Variants in CYP4F12 observed in about 807,000 individuals in gnomAD.
The protein encoded by CYP4F12 is cytochrome P450 4F12.
CYP4F12 carries 60 observed loss-of-function variants against 56.5 expected under a neutral mutation model. The observed-to-expected ratio is 1.06, with a 90% CI of 0.86 to 1.32. The LOEUF (loss-of-function observed/expected upper bound fraction) is 1.32, where lower values mean the gene tolerates loss of function less well. Among genes scored for constraint, CYP4F12 ranks in the 40% most tolerant of loss-of-function variants. The pLI, the probability that CYP4F12 is intolerant of heterozygous loss-of-function variation, is 0.00. For missense variants in CYP4F12, 711 were observed against 683.5 expected (o/e 1.04, Z -0.45); for synonymous variants, 263 against 264.9 (o/e 0.99, Z 0.07).
Position 15,684,590 on chromosome 19 carries a change from G to C in CYP4F12, c.919-226G>C, listed in dbSNP as rs534491716. The C allele has an allele frequency of 6.5e-6, 3 of 458,218 alleles. No homozygotes were observed. In the South Asian group the frequency reaches 1.5e-4, roughly 23 times the overall value. 28.4% of individuals were successfully genotyped at this position (458,218 alleles called of 1,614,324 possible). ...CGAGAACCATTGATTCCTGTCACCA[G>C]GGTCCAAAGAGGAGGCAAAGGATCT... is the stretch of plus-strand genomic sequence containing the variant. On this transcript the variant is annotated intron_variant, in intron 7 of 12. Transcript: ENST00000550308.
Position 15,696,176 on chromosome 19 carries a change from T to C in CYP4F12, c.1265T>C (p.Ile422Thr), listed in dbSNP as rs1046255405. Residue 422 changes from isoleucine (I) to threonine (T), a missense_variant, in exon 11 of 13, where the codon ATC becomes ACC. By Grantham distance (89) the Ile-to-Thr change is moderately conservative. Coordinates refer to ENST00000550308, the MANE Select transcript of CYP4F12 (RefSeq NM_023944.4). ...RVIPKGITCLIDIIGVHHNPT... is the reference protein window; with the variant it reads ...RVIPKGITCLTDIIGVHHNPT... The stretch of plus-strand genomic sequence containing the variant: ...TCTCCCACAGGCATTACCTGCCTCA[T>C]CGATATTATAGGGGTCCATCACAAC... 1 of 1,614,046 alleles carries C rather than the reference T, an allele frequency of 6.2e-7. No individual in the cohort carries two copies. Among genetic ancestry groups the C allele is most frequent in the South Asian group, 1.1e-5 (1 of 91,076 alleles).
Position 15,683,657 on chromosome 19 carries a change from T to C in CYP4F12, c.812T>C (p.Ile271Thr). The C allele has an allele frequency of 6.2e-7, 1 of 1,613,976 alleles. No homozygotes were observed. The highest frequency in any genetic ancestry group is 1.3e-5 in the African/African-American group (1 of 75,048). The change falls in exon 7 of 13, where the codon ATC becomes ACC. Residue 271 changes from isoleucine (I) to threonine (T), a missense_variant. Ile to Thr is a moderately conservative substitution (Grantham distance 89). Transcript: ENST00000550308. ...GTGCATGACTTCACAGACGCTGTCA[T>C]CCGGGAGCGGCGTCGCACCCTCCCC... Reference protein sequence around the residue: ...RLVHDFTDAVIRERRRTLPTQ... With the variant: ...RLVHDFTDAVTRERRRTLPTQ...
Position 15,673,655 on chromosome 19 carries a change from TAAC to T in CYP4F12, c.130_132del (p.Asn44del), listed in dbSNP as rs748608939. ...TCCTGGCTTGGACCTATGCCTTCTATAACAACTGCCGCCGGCTCCAGTGTTTCC... is the reference window on the plus strand; with the variant it reads ...TCCTGGCTTGGACCTATGCCTTCTATAACTGCCGCCGGCTCCAGTGTTTCC... On this transcript the variant is annotated inframe_deletion, in exon 2 of 13. Coordinates refer to ENST00000550308, the MANE Select transcript of CYP4F12 (RefSeq NM_023944.4). 3.7e-6 allele frequency: 6 copies of T among 1,614,160 alleles called. No individual in the cohort carries two copies. The highest frequency in any genetic ancestry group is 5.1e-6 in the Non-Finnish European group (6 of 1,180,028).
intron 9 of CYP4F12, among the ~76,000 whole-genome samples, chr19:15,694,314 C>A (rs951285225): frequency 2.3e-4 from 35 of 152,142 alleles, no homozygotes; most frequent in African/African-American, 8.2e-4. Flanking sequence ...ATTCTTCCTA[C>A]CCATGAGCAT....
chr19:15,686,303 A>G (rs1264438830), intron 9 of CYP4F12, among the ~76,000 whole-genome samples: 1 of 152,210 alleles, frequency 6.6e-6, no homozygotes, highest in African/African-American at 2.4e-5. Flanking sequence ...TAAAAAACCA[A>G]AATAATAAAG....
intron 5 of CYP4F12, 107 bp downstream of exon 5, chr19:15,680,626 C>G (rs780737722): frequency 7.0e-7 from 1 of 1,424,290 alleles, no homozygotes; most frequent in Non-Finnish European, 9.9e-7. Flanking sequence ...GGCCATTGCT[C>G]TTCCTCTCTG....
Position 15,683,957 on chromosome 19 carries a change from G to A in CYP4F12, c.918+194G>A, listed in dbSNP as rs1012345451. 1.3e-5 allele frequency: 7 copies of A among 550,074 alleles called. No individual in the cohort carries two copies. In the East Asian group the frequency reaches 1.3e-4, roughly 10 times the overall value. 34.1% of individuals were successfully genotyped at this position (550,074 alleles called of 1,614,324 possible). A position where few individuals can be genotyped will look rare whatever the true frequency, so the allele number is the denominator to read the frequency against. Reference sequence around the variant, plus strand: ...AGGGCACTGCTAATTCTGAAACTGTGAGGAGCATGATATTTTATTCAACTT... The same window carrying A: ...AGGGCACTGCTAATTCTGAAACTGTAAGGAGCATGATATTTTATTCAACTT... On this transcript the variant is annotated intron_variant, in intron 7 of 12. Coordinates refer to ENST00000550308, the MANE Select transcript of CYP4F12 (RefSeq NM_023944.4).
At chr19:15,685,988 C>T (rs2007583039) in intron 9 of CYP4F12, among the ~76,000 whole-genome samples, 3 of 100,262 alleles carry the variant, frequency 3.0e-5, no homozygotes, top group Non-Finnish European at 6.1e-5. Context: ...CAGTTCTGTT[C>T]CCACACCTTT....
At chr19:15,696,811 A>C in intron 12 of CYP4F12, 97 bp from the exon 13 acceptor site, 1 of 1,438,660 alleles carries the variant, frequency 7.0e-7, no homozygotes, top group Non-Finnish European at 9.3e-7. Flanking sequence ...TCTCAGGCTG[A>C]GCTGGGTGCA....
At chr19:15,680,638 G>A (rs1167689878) in intron 5 of CYP4F12, 119 bp downstream of exon 5, 4 of 1,345,672 alleles carry the variant, frequency 3.0e-6, no homozygotes, top group African/African-American at 1.4e-5. Flanking sequence ...TCCTCTCTGA[G>A]CCTTGGTTTC....
intron 6 of CYP4F12, 105 bp from the exon 7 acceptor site, chr19:15,683,388 T>A: frequency 1.6e-6 from 2 of 1,223,940 alleles, no homozygotes; most frequent in Non-Finnish European, 2.3e-6. Context: ...TATTTCTAGA[T>A]ACTCAGTTTC....
chr19:15,695,841 G>T, intron 9 of CYP4F12, 95 bp from the exon 10 acceptor site: 2 of 1,489,330 alleles, frequency 1.3e-6, no homozygotes, highest in Non-Finnish European at 1.8e-6. Flanking sequence ...AGTTTATTTT[G>T]TGATAGGGAG....
intron 6 of CYP4F12, 108 bp downstream of exon 6, chr19:15,682,618 A>G: frequency 6.6e-7 from 1 of 1,519,840 alleles, no homozygotes; most frequent in Non-Finnish European, 9.0e-7. Flanking sequence ...GAGGATTTGT[A>G]TCATAGCTGT....
intron 1 of CYP4F12, 113 bp downstream of exon 1, chr19:15,673,248 T>C (rs1414153468): frequency 8.6e-6 from 5 of 578,138 alleles, no homozygotes; most frequent in South Asian, 7.8e-5. Flanking sequence ...GGTTTCCTGG[T>C]AACTGGACTC....
intron 9 of CYP4F12, among the ~76,000 whole-genome samples, chr19:15,685,488 T>C (rs948702248): frequency 7.9e-5 from 12 of 152,186 alleles, no homozygotes; most frequent in Non-Finnish European, 1.5e-4. Context: ...CTGTTTCTGT[T>C]CTCCCAGAAA....
chr19:15,684,854 A>G lies in CYP4F12; in HGVS notation c.957A>G (p.Arg319=). 6.2e-7 allele frequency: 1 copy of G among 1,608,706 alleles called. No individual in the cohort carries two copies. Among genetic ancestry groups the G allele is most frequent in the Non-Finnish European group, 8.5e-7 (1 of 1,177,548 alleles). ...DGKALSDEDI[R]AEADTFMFGG... is the part of the protein sequence containing the mutation. ...AGGCATTGTCAGATGAGGATATAAG[A>G]GCAGAGGCTGACACCTTCATGTTTG... Residue 319 remains arginine, a synonymous_variant, in exon 8 of 13, where the codon AGA becomes AGG. Coordinates refer to ENST00000550308, the MANE Select transcript of CYP4F12 (RefSeq NM_023944.4).
intron 2 of CYP4F12, among the ~76,000 whole-genome samples, chr19:15,677,807 CTT>C: frequency 4.4e-4 from 1 of 2,292 alleles, no homozygotes; most frequent in Non-Finnish European, 1.5e-3. Flanking sequence ...CTCACTCATT[CTT>C]CTGCTCGCTC....
In CYP4F12 at chr19:15,678,272, A is replaced by G. The variant is rs1465541334; in HGVS notation, c.210A>G (p.Thr70=). The change falls in exon 3 of 13, where the codon ACA becomes ACG. Residue 70 remains threonine (T), a synonymous_variant. Transcript: ENST00000550308. ...TGACTTGCTTTCAGATCACTCCTAC[A>G]GAGGAGGGCTTGAAGAACTCGACCC... ...FWGHLGLITP[T]EEGLKNSTQM... 1 of 1,614,210 alleles carries G rather than the reference A, an allele frequency of 6.2e-7. No individual in the cohort carries two copies.
chr19:15,683,805 C>A (rs2007451696), intron 7 of CYP4F12, 42 bp downstream of exon 7: 2 of 1,495,362 alleles, frequency 1.3e-6, no homozygotes, highest in Admixed American at 2.4e-5. Flanking sequence ...GAGAATAGAG[C>A]TTCATGTCAA....
Sources: allele counts gnomAD v4.1 joint callset (sites outside exome capture counted in the v4.1 genomes callset), GRCh38; gene constraint gnomAD v4.1.1; transcripts MANE v1.5; gene names NCBI Gene and HGNC (gene_info 2026-07-23, HGNC 2026-07-21).